Variants in PCDH18 observed in about 807,000 individuals in gnomAD.
PCDH18 encodes protocadherin-18.
In PCDH18, 38 loss-of-function variants were observed where a neutral mutation model predicts 71.5. The ratio of observed to expected loss-of-function variants is 0.53; its 90% CI spans 0.41 to 0.70. PCDH18 has a LOEUF of 0.70. Among genes scored for constraint, PCDH18 ranks in the 30% least tolerant of loss-of-function variants. The pLI is 0.00. For synonymous variants in PCDH18, 565 were observed against 505.4 expected, an observed-to-expected ratio of 1.12 and a Z score of -1.58; for missense variants, 1,334 against 1,384.6, an observed-to-expected ratio of 0.96 and a Z score of 0.58.
Position 137,529,797 on chromosome 4 carries a change from G to A in PCDH18, c.2292C>T (p.Thr764=). Reference sequence around the variant, plus strand: ...ATCTGATGGGCAGAGTGCCATTTATGGTAGGCACCAATGTGATGTCCCCTT... The same window carrying A: ...ATCTGATGGGCAGAGTGCCATTTATAGTAGGCACCAATGTGATGTCCCCTT... ...IHKGDITLVP[T]INGTLPIRSH... Residue 764 remains threonine (T), a synonymous_variant, in exon 1 of 4, where the codon ACC becomes ACT. Transcript: ENST00000344876. The A allele has an allele frequency of 4.3e-6, 7 of 1,612,896 alleles. No individual in the cohort carries two copies. The South Asian group carries it at 7.7e-5, about 18-fold the overall frequency.
At chr4:137,522,865 AC>A (rs1731340628) in intron 3 of PCDH18, among the ~76,000 whole-genome samples, 1 of 152,166 alleles carries the variant, frequency 6.6e-6, no homozygotes, top group African/African-American at 2.4e-5. Flanking sequence ...GTGCCTGCAT[AC>A]AGTAGGTATT....
chr4:137,529,692 G>A lies in PCDH18; in HGVS notation c.2397C>T (p.His799=), dbSNP rs199723062. The A allele has an allele frequency of 4.5e-5, 72 of 1,613,720 alleles. No individual in the cohort carries two copies. Among genetic ancestry groups the A allele is most frequent in the Non-Finnish European group, 5.7e-5 (67 of 1,179,830 alleles). ...TTGTCACCAAACTGTTGAGTGACTGGTGACTGTTGTGACTCTGCCGGCTGC... is the reference window on the plus strand; with the variant it reads ...TTGTCACCAAACTGTTGAGTGACTGATGACTGTTGTGACTCTGCCGGCTGC... The part of the protein sequence containing the change: ...QMGSRQSHNS[H]QSLNSLVTIS... Residue 799 remains histidine (H), a synonymous_variant, in exon 1 of 4, where the codon CAC becomes CAT. Coordinates refer to ENST00000344876, the MANE Select transcript of PCDH18 (RefSeq NM_019035.5).
At chr4:137,529,500 A>T (rs747686259) in intron 1 of PCDH18, 102 bp downstream of exon 1, 6 of 744,378 alleles carry the variant, frequency 8.1e-6, no homozygotes, top group Non-Finnish European at 1.3e-5. Flanking sequence ...GCACAGTATT[A>T]GTATTGTTAC....
At position 137,530,839 on chromosome 4, in the gene PCDH18, A is replaced by G. The variant is rs759699065; in HGVS notation, c.1250T>C (p.Ile417Thr). The change falls in exon 1 of 4, where the codon ATC (isoleucine) becomes ACC (threonine). Residue 417 changes from isoleucine to threonine, a missense_variant. Around this residue, in one of 3 missense-constraint regions of PCDH18, gnomAD observed 1,011 missense variants for 1,048.0 expected, o/e 0.96. Coordinates refer to ENST00000344876, the MANE Select transcript of PCDH18 (RefSeq NM_019035.5). Reference sequence around the variant, plus strand: ...TCTATCCAGTGTGGCATTAGTTAAGATTAAATAATTGTTTTCATATGTCTT... The same window carrying G: ...TCTATCCAGTGTGGCATTAGTTAAGGTTAAATAATTGTTTTCATATGTCTT... ...LQKTYENNYLILTNATLDREK... is the reference protein window; with the variant it reads ...LQKTYENNYLTLTNATLDREK... 1 of 1,609,362 alleles carries G rather than the reference A, an allele frequency of 6.2e-7. No homozygotes were observed. Among genetic ancestry groups the G allele is most frequent in the East Asian group, 2.2e-5 (1 of 44,800 alleles).
At position 137,530,385 on chromosome 4, in the gene PCDH18, G is replaced by A. The variant is rs373847652; in HGVS notation, c.1704C>T (p.Asp568=). The change falls in exon 1 of 4, where the codon GAC becomes GAT. Residue 568 remains aspartate, a synonymous_variant. Coordinates refer to ENST00000344876, the MANE Select transcript of PCDH18 (RefSeq NM_019035.5). ...TAACCACAGGAACGTTGTCATTTTC[G>A]TCAATGATGGTGAGCACAACTGTGG... is the stretch of plus-strand genomic sequence containing the variant. The part of the protein sequence containing the change: ...SNTTVVLTII[D]ENDNVPVVIG... The A allele has an allele frequency of 1.1e-5, 18 of 1,614,048 alleles. No individual in the cohort carries two copies. The African/African-American group carries it at 1.6e-4, about 14-fold the overall frequency.
At position 137,530,061 on chromosome 4, in the gene PCDH18, G is replaced by T. The variant is rs762135464; in HGVS notation, c.2028C>A (p.Ile676=). Reference sequence around the variant, plus strand: ...TTGTCACCGACTCTGCATATTCAAAGATCATGCACTTCAGAAGGACTTTGG... The same window carrying T: ...TTGTCACCGACTCTGCATATTCAAATATCATGCACTTCAGAAGGACTTTGG... The part of the protein sequence containing the change: ...LHTKVLLKCM[I]FEYAESVTST... The change falls in exon 1 of 4, where the codon ATC becomes ATA. Residue 676 remains isoleucine, a synonymous_variant. Transcript: ENST00000344876. 2 of 1,613,982 alleles carry T rather than the reference G, an allele frequency of 1.2e-6. No individual in the cohort carries two copies. Among genetic ancestry groups the T allele is most frequent in the Non-Finnish European group, 1.7e-6 (2 of 1,179,958 alleles).
chr4:137,529,741 G>C lies in PCDH18; in HGVS notation c.2348C>G (p.Pro783Arg). 6.2e-7 allele frequency: 1 copy of C among 1,613,974 alleles called. No individual in the cohort carries two copies. Among genetic ancestry groups the C allele is most frequent in the Non-Finnish European group, 8.5e-7 (1 of 1,179,914 alleles). ...SHHRSSPSSS[P>R]TLERGQMGSR... is the part of the protein sequence containing the mutation. ...GCCCATCTGCCCTCTTTCTAAGGTA[G>C]GAGATGAAGATGGAGACGATCTGTG... The change falls in exon 1 of 4, where the codon CCT becomes CGT. Residue 783 changes from proline (P) to arginine (R), a missense_variant. By Grantham distance (103) the Pro-to-Arg change is moderately radical (BLOSUM62 -2). Around this residue, in one of 3 missense-constraint regions of PCDH18, gnomAD observed 1,011 missense variants for 1,048.0 expected, o/e 0.96. Coordinates refer to ENST00000344876, the MANE Select transcript of PCDH18 (RefSeq NM_019035.5).
rs1731233058 is a variant in PCDH18 at position 137,519,624 on chromosome 4, T to TG, written c.*1404_*1405insC. The TG allele has an allele frequency of 1.3e-5, 2 of 152,130 alleles. No homozygotes were observed. The highest frequency in any genetic ancestry group is 2.4e-5 in the African/African-American group (1 of 41,436). 9.4% of individuals were successfully genotyped at this position (152,130 alleles called of 1,614,324 possible). A position where few individuals can be genotyped will look rare whatever the true frequency, so the allele number is the denominator to read the frequency against. ...TGAAACTCAACACTGAATCACCCGC[T>TG]CAGGAAGGGCCTGCTGCATGCCAAG... On this transcript the variant is annotated 3_prime_UTR_variant, in exon 4 of 4. Coordinates refer to ENST00000344876, the MANE Select transcript of PCDH18 (RefSeq NM_019035.5).
In PCDH18 at chr4:137,519,363, C is replaced by A. The variant is rs1011986264; in HGVS notation, c.*1666G>T. ...AAACATTGTAAGGATACCTTTTTAT[C>A]CTGCACAATTTAATACAAAATGTCC... On this transcript the variant is annotated 3_prime_UTR_variant, in exon 4 of 4. Coordinates refer to ENST00000344876, the MANE Select transcript of PCDH18 (RefSeq NM_019035.5). 1.3e-5 allele frequency: 2 copies of A among 152,148 alleles called. No individual in the cohort carries two copies. Among genetic ancestry groups the A allele is most frequent in the African/African-American group, 2.4e-5 (1 of 41,440 alleles). The allele number at this position is 152,148 out of a possible 1,614,324, so 9.4% of individuals were successfully genotyped here.
In PCDH18 at chr4:137,529,947, C is replaced by T. The variant is rs780798543; in HGVS notation, c.2142G>A (p.Leu714=). 6.2e-7 allele frequency: 1 copy of T among 1,613,732 alleles called. No homozygotes were observed. Among genetic ancestry groups the T allele is most frequent in the Non-Finnish European group, 8.5e-7 (1 of 1,179,872 alleles). Residue 714 remains leucine (L), a synonymous_variant, in exon 1 of 4, where the codon CTG becomes CTA. Coordinates refer to ENST00000344876, the MANE Select transcript of PCDH18 (RefSeq NM_019035.5). ...TAGTTGCAAATAGCACCATAATAAC[C>T]AGCAACACTGCACAAATTGCTCCTA... The part of the protein sequence containing the change: ...ISLGAICAVL[L]VIMVLFATRC...
At chr4:137,522,145 G>A (rs992563229) in intron 3 of PCDH18, among the ~76,000 whole-genome samples, 3 of 152,082 alleles carry the variant, frequency 2.0e-5, no homozygotes, top group Admixed American at 6.5e-5. Flanking sequence ...TTTAATGGAA[G>A]CAATGAGAAT....
chr4:137,531,010 G>T lies in PCDH18; in HGVS notation c.1079C>A (p.Ser360Tyr). The stretch of plus-strand genomic sequence containing the variant: ...ATAAGATATTTCTTCTTTTCCAGGG[G>T]ACATGAGGTTGATGTTAATTTCAGG... ...NKPEININLM[S>Y]PGKEEISYIF... The change falls in exon 1 of 4, where the codon TCC becomes TAC. Residue 360 changes from serine to tyrosine, a missense_variant. Physicochemically the swap from Ser to Tyr is moderately radical, Grantham distance 144. This residue lies in a region of PCDH18 where 1,011 missense variants were observed against 1,048.0 expected (regional missense o/e 0.96). Coordinates refer to ENST00000344876, the MANE Select transcript of PCDH18 (RefSeq NM_019035.5). 1 of 1,610,324 alleles carries T rather than the reference G, an allele frequency of 6.2e-7. No homozygotes were observed. Among genetic ancestry groups the T allele is most frequent in the South Asian group, 1.1e-5 (1 of 90,738 alleles).
Position 137,520,235 on chromosome 4 carries a change from A to G in PCDH18, c.*794T>C, listed in dbSNP as rs1731249370. 1 of 152,582 alleles carries G rather than the reference A, an allele frequency of 6.6e-6. No individual in the cohort carries two copies. The highest frequency in any genetic ancestry group is 2.4e-5 in the African/African-American group (1 of 41,444). 9.5% of individuals were successfully genotyped at this position (152,582 alleles called of 1,614,324 possible). On this transcript the variant is annotated 3_prime_UTR_variant, in exon 4 of 4. Coordinates refer to ENST00000344876, the MANE Select transcript of PCDH18 (RefSeq NM_019035.5). ...ATTCCATTTCCTTGGAGCATGTTTC[A>G]TACTACAAGGATGGAATAAAATTTA...
chr4:137,526,146 C>T (rs182511845), intron 3 of PCDH18, among the ~76,000 whole-genome samples: 8 of 151,730 alleles, frequency 5.3e-5, no homozygotes, highest in Admixed American at 1.3e-4. Context: ...AGTAAAAGAA[C>T]TTTGACCTAA....
Position 137,531,724 on chromosome 4 carries a change from T to C in PCDH18, c.365A>G (p.His122Arg). 1 of 1,614,112 alleles carries C rather than the reference T, an allele frequency of 6.2e-7. No individual in the cohort carries two copies. Among genetic ancestry groups the C allele is most frequent in the South Asian group, 1.1e-5 (1 of 91,084 alleles). The change falls in exon 1 of 4, where the codon CAT becomes CGT. Residue 122 changes from histidine to arginine, a missense_variant. Transcript: ENST00000344876. ...AATATCCAGCACTTCAACTTCAATA[T>C]GGAAAAGCTGCAGATGCTCTGTGGG... Reference protein sequence around the residue: ...TLPTEHLQLFHIEVEVLDIND... With the variant: ...TLPTEHLQLFRIEVEVLDIND...
chr4:137,530,609 G>A lies in PCDH18; in HGVS notation c.1480C>T (p.Leu494Phe). The A allele has an allele frequency of 6.2e-7, 1 of 1,614,138 alleles. No homozygotes were observed. Among genetic ancestry groups the A allele is most frequent in the Non-Finnish European group, 8.5e-7 (1 of 1,180,020 alleles). ...ITTVTATDPD[L>F]GENGQVTYTI... ...TATGTCACTTGCCCATTTTCTCCAA[G>A]ATCAGGATCTGTGGCTGTAACAGTG... Residue 494 changes from leucine to phenylalanine, a missense_variant, in exon 1 of 4, where the codon CTT becomes TTT. Coordinates refer to ENST00000344876, the MANE Select transcript of PCDH18 (RefSeq NM_019035.5).
intron 3 of PCDH18, among the ~76,000 whole-genome samples, chr4:137,523,611 A>C (rs916984532): frequency 2.0e-5 from 3 of 152,120 alleles, no homozygotes; most frequent in African/African-American, 7.2e-5. Flanking sequence ...GGAAGGACTT[A>C]GTTGTTTGAT....
rs1731277456 is a variant in PCDH18 at position 137,521,117 on chromosome 4, T to C, written c.3320A>G (p.His1107Arg). Residue 1107 changes from histidine (H) to arginine (R), a missense_variant, in exon 4 of 4, where the codon CAC (histidine) becomes CGC (arginine). Coordinates refer to ENST00000344876, the MANE Select transcript of PCDH18 (RefSeq NM_019035.5). Reference protein sequence around the residue: ...EEDDFDNVLNHLNDGKHELMD... With the variant: ...EEDDFDNVLNRLNDGKHELMD... Reference sequence around the variant, plus strand: ...GAGTTCGTGTTTCCCATCATTGAGGTGGTTGAGCACATTGTCAAAATCATC... The same window carrying C: ...GAGTTCGTGTTTCCCATCATTGAGGCGGTTGAGCACATTGTCAAAATCATC... 1 of 1,613,856 alleles carries C rather than the reference T, an allele frequency of 6.2e-7. No individual in the cohort carries two copies. The highest frequency in any genetic ancestry group is 8.5e-7 in the Non-Finnish European group (1 of 1,179,866).
Position 137,530,506 on chromosome 4 carries a change from T to C in PCDH18, c.1583A>G (p.Tyr528Cys), listed in dbSNP as rs879170200. The C allele has an allele frequency of 6.2e-7, 1 of 1,614,022 alleles. No individual in the cohort carries two copies. Residue 528 changes from tyrosine (Y) to cysteine (C), a missense_variant, in exon 1 of 4, where the codon TAT becomes TGT. By Grantham distance (194) the Tyr-to-Cys change is radical (BLOSUM62 -2). Coordinates refer to ENST00000344876, the MANE Select transcript of PCDH18 (RefSeq NM_019035.5). ...VTIDPSNGAI[Y>C]ALRIFDHEEV... Reference sequence around the variant, plus strand: ...TTCATGATCAAAGATTCTGAGGGCATAGATGGCTCCATTAGATGGGTCAAT... The same window carrying C: ...TTCATGATCAAAGATTCTGAGGGCACAGATGGCTCCATTAGATGGGTCAAT...
Sources: allele counts gnomAD v4.1 joint callset (sites outside exome capture counted in the v4.1 genomes callset), GRCh38; gene constraint gnomAD v4.1.1; regional missense constraint gnomAD v4.1.1; transcripts MANE v1.5; gene names NCBI Gene and HGNC (gene_info 2026-07-23, HGNC 2026-07-21).